SLC26A3: variants seen among roughly 807,000 people sequenced by gnomAD.
The protein encoded by SLC26A3 is chloride anion exchanger.
Under a neutral mutation model 85.6 loss-of-function variants are expected in SLC26A3, and 64 were observed. That is an observed-to-expected ratio of 0.75 (90% CI 0.61 to 0.92). The LOEUF (loss-of-function observed/expected upper bound fraction) is 0.92, where lower values mean the gene tolerates loss of function less well. Among genes scored for constraint, SLC26A3 ranks in the 40% least tolerant of loss-of-function variants. SLC26A3 has a pLI of 0.00. For missense variants in SLC26A3, 922 were observed against 927.3 expected, an observed-to-expected ratio of 0.99 and a Z score of 0.07; for synonymous variants, 349 against 336.0, an observed-to-expected ratio of 1.04 and a Z score of -0.42.
At chr7:107,799,553 G>A (rs564440299) in intron 1 of SLC26A3, among the ~76,000 whole-genome samples, 113 of 152,198 alleles carry the variant, frequency 7.4e-4, no homozygotes, top group African/African-American at 2.6e-3. Context: ...ACCATGCCCA[G>A]CTAAGTTTTT....
chr7:107,793,658 G>T, intron 3 of SLC26A3, 84 bp downstream of exon 3: 1 of 1,024,850 alleles, frequency 9.8e-7, no homozygotes, highest in Non-Finnish European at 1.5e-6. Flanking sequence ...GCACAACCTA[G>T]TGAATATACG....
intron 18 of SLC26A3, among the ~76,000 whole-genome samples, chr7:107,770,174 T>TGATTTGAGACAGGGTC (rs1294755905): frequency 7.4e-5 from 1 of 13,462 alleles, no homozygotes; most frequent in African/African-American, 4.1e-4. Context: ...TTTTTTTTTT[T>TGATTTGAGACAGGGTC]TTTTTTTAAA....
At chr7:107,788,068 T>G (rs115166033) in intron 6 of SLC26A3, among the ~76,000 whole-genome samples, 5,522 of 152,250 alleles carry the variant, frequency 0.036, 329 homozygotes, top group African/African-American at 0.13. Flanking sequence ...CCATATCCAC[T>G]TACCCCAAAA....
rs756326040 is a variant in SLC26A3, at chr7:107,776,647, T to C, written c.1574A>G (p.Asp525Gly). The C allele has an allele frequency of 2.5e-6, 4 of 1,613,644 alleles. No individual in the cohort carries two copies. ...ATGAATCTCCCTTACATCATAATAA[T>C]CTTTTTTATTCTTATAGATGTTGGT... ...GRTNIYKNKK[D>G]YYDMYEPEGV... is the part of the protein sequence containing the mutation. The change falls in exon 14 of 21, where the codon GAT becomes GGT. Residue 525 changes from aspartate (D) to glycine (G), a missense_variant. By Grantham distance (94) the Asp-to-Gly change is moderately conservative. Transcript: ENST00000340010.
intron 1 of SLC26A3, among the ~76,000 whole-genome samples, chr7:107,800,250 G>T (rs531301272): frequency 6.6e-6 from 1 of 152,176 alleles, no homozygotes; most frequent in South Asian, 2.1e-4. Context: ...ATTTTGGCAC[G>T]TTGGGAGACT....
intron 16 of SLC26A3, 59 bp downstream of exon 16, chr7:107,774,718 G>A: frequency 8.1e-7 from 1 of 1,228,712 alleles, no homozygotes; most frequent in Non-Finnish European, 1.2e-6. Context: ...ACTACACCTT[G>A]AATCATCCTT....
Position 107,776,441 on chromosome 7 carries a change from C to G in SLC26A3, c.1677+11G>C. On this transcript the variant is annotated intron_variant, in intron 15 of 20. Coordinates refer to ENST00000340010, the MANE Select transcript of SLC26A3 (RefSeq NM_000111.3). ...TTACAAGGAAAAAAATTAAATAACC[C>G]CAAACCTTACAGCATCGATAAGTTT... The G allele has an allele frequency of 1.2e-6, 2 of 1,604,874 alleles. No individual in the cohort carries two copies. The highest frequency in any genetic ancestry group is 1.1e-5 in the South Asian group (1 of 90,880).
chr7:107,769,223 C>G (rs1237222148), intron 18 of SLC26A3, among the ~76,000 whole-genome samples: 1 of 152,070 alleles, frequency 6.6e-6, no homozygotes, highest in East Asian at 1.9e-4. Flanking sequence ...AATTCCATTA[C>G]TGGATATATA....
chr7:107,799,661 G>A (rs1485039184), intron 1 of SLC26A3, among the ~76,000 whole-genome samples: 1 of 152,122 alleles, frequency 6.6e-6, no homozygotes, highest in Admixed American at 6.5e-5. Context: ...CAAAATGCTG[G>A]GATTACAGGC....
At chr7:107,794,013 T>G in intron 2 of SLC26A3, 132 bp from the exon 3 acceptor site, 1 of 1,225,540 alleles carries the variant, frequency 8.2e-7, no homozygotes, top group Admixed American at 1.9e-5. Context: ...GTAACATTCT[T>G]TACCCATAAT....
chr7:107,790,089 G>A (rs1273616006), intron 5 of SLC26A3, among the ~76,000 whole-genome samples: 1 of 152,202 alleles, frequency 6.6e-6, no homozygotes, highest in Non-Finnish European at 1.5e-5. Flanking sequence ...AGCTGCTGGA[G>A]CACGCATGAG....
At chr7:107,779,244 G>A (rs935861606) in intron 12 of SLC26A3, among the ~76,000 whole-genome samples, 1 of 152,184 alleles carries the variant, frequency 6.6e-6, no homozygotes, top group Non-Finnish European at 1.5e-5. Flanking sequence ...GCAAGGGGGA[G>A]CCTTTCCAAA....
intron 5 of SLC26A3, among the ~76,000 whole-genome samples, chr7:107,790,192 G>A (rs2115870093): frequency 6.6e-6 from 1 of 152,264 alleles, no homozygotes; most frequent in African/African-American, 2.4e-5. Context: ...TTCTAGCTGG[G>A]GGAAAAGGAT....
intron 4 of SLC26A3, 110 bp downstream of exon 4, chr7:107,791,720 A>G (rs1562881085): frequency 3.9e-6 from 3 of 761,876 alleles, no homozygotes; most frequent in Admixed American, 2.0e-5. Flanking sequence ...ACAGGAGACC[A>G]TGACTCTTCT....
intron 10 of SLC26A3, 46 bp downstream of exon 10, chr7:107,782,934 A>G (rs749601807): frequency 3.7e-6 from 6 of 1,612,878 alleles, no homozygotes; most frequent in Non-Finnish European, 5.1e-6. Context: ...TGAATTTCCT[A>G]GTTACTAACG....
intron 5 of SLC26A3, among the ~76,000 whole-genome samples, chr7:107,790,509 T>C (rs972957106): frequency 6.6e-6 from 1 of 152,200 alleles, no homozygotes; most frequent in Non-Finnish European, 1.5e-5. Flanking sequence ...AAAAAGTCCA[T>C]GACATTTTCA....
At chr7:107,798,370 AC>A (rs1384453836) in intron 1 of SLC26A3, among the ~76,000 whole-genome samples, 1 of 151,968 alleles carries the variant, frequency 6.6e-6, no homozygotes, top group Non-Finnish European at 1.5e-5. Flanking sequence ...ATACCTCCCC[AC>A]CACTTCAAGT....
At chr7:107,787,132 T>A (rs928776985) in intron 7 of SLC26A3, among the ~76,000 whole-genome samples, 1 of 152,184 alleles carries the variant, frequency 6.6e-6, no homozygotes, top group Non-Finnish European at 1.5e-5. Context: ...TTGTCAAGGG[T>A]CTTGCTCTCT....
intron 15 of SLC26A3, chr7:107,776,175 C>G: frequency 2.2e-6 from 1 of 463,948 alleles, no homozygotes; most frequent in Non-Finnish European, 3.9e-6. Context: ...AAGCTAGCAG[C>G]CCAAAACTTG....
Sources: gnomAD v4.1 joint callset for allele counts (sites outside exome capture counted in the v4.1 genomes callset) on GRCh38, gnomAD v4.1.1 for gene constraint, MANE v1.5 for transcripts, NCBI Gene and HGNC (gene_info 2026-07-23, HGNC 2026-07-21) for gene names.